Variants in WWP1 observed in about 807,000 individuals in gnomAD.
WWP1 encodes NEDD4-like E3 ubiquitin-protein ligase WWP1.
Under a neutral mutation model 130.6 loss-of-function variants are expected in WWP1, and 49 were observed. The observed-to-expected ratio is 0.38, with a 90% CI of 0.30 to 0.48. WWP1 has a LOEUF of 0.48. Ranked by LOEUF, WWP1 falls within the 20% of genes least tolerant of loss-of-function variation. WWP1 has a pLI of 0.99. For synonymous variants in WWP1, 332 were observed against 367.8 expected (o/e 0.90, Z 1.11); for missense variants, 809 against 1,100.6 (o/e 0.74, Z 3.75).
At chr8:86,352,147 C>T (rs1366349606) in intron 1 of WWP1, among the ~76,000 whole-genome samples, 3 of 149,488 alleles carry the variant, frequency 2.0e-5, no homozygotes, top group African/African-American at 7.4e-5. Flanking sequence ...TGGGCTCAAA[C>T]GATCCTCCCA....
intron 9 of WWP1, among the ~76,000 whole-genome samples, chr8:86,418,932 A>G (rs1809040206): frequency 6.6e-6 from 1 of 152,206 alleles, no homozygotes; most frequent in East Asian, 1.9e-4. Flanking sequence ...CACTGAAAAT[A>G]CTAATATAGA....
chr8:86,411,438 T>C, intron 8 of WWP1, 100 bp from the exon 9 acceptor site: 1 of 955,414 alleles, frequency 1.0e-6, no homozygotes, highest in Non-Finnish European at 1.6e-6. Flanking sequence ...TTGTAGTTGC[T>C]TAGTCTGGAT....
At chr8:86,383,728 C>T (rs1037561743) in intron 5 of WWP1, among the ~76,000 whole-genome samples, 1 of 152,054 alleles carries the variant, frequency 6.6e-6, no homozygotes, top group Non-Finnish European at 1.5e-5. Flanking sequence ...GGCTACAGAG[C>T]GAGACTCCCT....
chr8:86,400,187 C>T (rs1180163390), intron 7 of WWP1, among the ~76,000 whole-genome samples: 1 of 151,912 alleles, frequency 6.6e-6, no homozygotes, highest in Non-Finnish European at 1.5e-5. Flanking sequence ...AAAAAATGAG[C>T]CAGGCATGGT....
In WWP1 at chr8:86,448,146, A is replaced by C; in HGVS notation, c.1999-2A>C. The C allele has an allele frequency of 6.5e-7, 1 of 1,548,624 alleles. No homozygotes were observed. On this transcript the variant is annotated splice_acceptor_variant, in intron 18 of 24. Coordinates refer to ENST00000517970, the MANE Select transcript of WWP1 (RefSeq NM_007013.4). LOFTEE classifies it high-confidence loss of function. ...AATAAAATTTTTCATTTTTCTTTGC[A>C]GGCACTATTTCATGGAAAGTTTATC...
intron 1 of WWP1, among the ~76,000 whole-genome samples, chr8:86,362,564 A>C (rs1823732411): frequency 6.6e-6 from 1 of 151,866 alleles, no homozygotes; most frequent in African/African-American, 2.4e-5. Flanking sequence ...CATCAAAGGA[A>C]TTTTTTTCTC....
intron 7 of WWP1, among the ~76,000 whole-genome samples, chr8:86,401,025 T>TA (rs1351944020): frequency 2.6e-5 from 4 of 151,680 alleles, no homozygotes; most frequent in Admixed American, 6.6e-5. Context: ...TTTTTTTTTT[T>TA]AAACACTGTG....
intron 11 of WWP1, among the ~76,000 whole-genome samples, chr8:86,429,093 C>G (rs543180634): frequency 1.3e-5 from 2 of 152,298 alleles, no homozygotes; most frequent in Admixed American, 1.3e-4. Context: ...CCATCCATAT[C>G]GCACTTCAGG....
chr8:86,353,103 C>T (rs1460586303), intron 1 of WWP1, among the ~76,000 whole-genome samples: 1 of 152,156 alleles, frequency 6.6e-6, no homozygotes, highest in Non-Finnish European at 1.5e-5. Context: ...TGGTTGGGGG[C>T]ATGATGTGTC....
chr8:86,387,633 C>T (rs1825362106), intron 5 of WWP1, among the ~76,000 whole-genome samples: 1 of 152,052 alleles, frequency 6.6e-6, no homozygotes, highest in Non-Finnish European at 1.5e-5. Context: ...CCACCTCAGC[C>T]TCCTGAGTAA....
At chr8:86,368,785 C>A (rs974541500) in intron 1 of WWP1, among the ~76,000 whole-genome samples, 154 bp from the exon 2 acceptor site, 3 of 152,164 alleles carry the variant, frequency 2.0e-5, no homozygotes, top group Non-Finnish European at 2.9e-5. Flanking sequence ...CACTTCAAGA[C>A]GCAGTTCTCT....
At chr8:86,345,806 C>T (rs1021755979) in intron 1 of WWP1, among the ~76,000 whole-genome samples, 25 of 152,134 alleles carry the variant, frequency 1.6e-4, no homozygotes, top group Admixed American at 1.4e-3. Context: ...TACAGAAACA[C>T]AATATTACAT....
intron 5 of WWP1, among the ~76,000 whole-genome samples, chr8:86,383,729 G>A (rs553765453): frequency 6.6e-6 from 1 of 152,146 alleles, no homozygotes; most frequent in African/African-American, 2.4e-5. Flanking sequence ...GCTACAGAGC[G>A]AGACTCCCTC....
At chr8:86,360,679 C>T (rs1586255736) in intron 1 of WWP1, among the ~76,000 whole-genome samples, 1 of 152,312 alleles carries the variant, frequency 6.6e-6, no homozygotes, top group African/African-American at 2.4e-5. Flanking sequence ...CAGACTCTGG[C>T]GTAGGTTCTA....
At chr8:86,442,854 AAG>A in intron 18 of WWP1, 76 bp downstream of exon 18, 3 of 1,321,418 alleles carry the variant, frequency 2.3e-6, no homozygotes, top group East Asian at 2.4e-5. Flanking sequence ...AAAAAAAAAA[AAG>A]GATAAGCATT....
intron 24 of WWP1, among the ~76,000 whole-genome samples, chr8:86,462,882 A>C (rs1244420573): frequency 2.6e-5 from 4 of 151,902 alleles, no homozygotes; most frequent in African/African-American, 9.7e-5. Flanking sequence ...GTTTAAAGAA[A>C]AAAAAAAAAA....
intron 9 of WWP1, among the ~76,000 whole-genome samples, chr8:86,414,672 TTGTAA>T (rs1586396717): frequency 2.0e-5 from 3 of 152,336 alleles, no homozygotes; most frequent in Non-Finnish European, 4.4e-5. Flanking sequence ...ATCCTGTTGA[TTGTAA>T]TGTACAGCCA....
Position 86,457,906 on chromosome 8 carries a change from G to A in WWP1, c.2395-15G>A, listed in dbSNP as rs1811547143. Reference sequence around the variant, plus strand: ...TAAATCTTTATTGTGGCCTGATTCTGTGCTCATTTCCCAGGTTATGTTGTG... The same window carrying A: ...TAAATCTTTATTGTGGCCTGATTCTATGCTCATTTCCCAGGTTATGTTGTG... On this transcript the variant is annotated splice_polypyrimidine_tract_variant and intron_variant, in intron 21 of 24. Transcript: ENST00000517970. 6.2e-7 allele frequency: 1 copy of A among 1,604,444 alleles called. No individual in the cohort carries two copies. The highest frequency in any genetic ancestry group is 1.3e-5 in the African/African-American group (1 of 74,342).
At chr8:86,439,971 T>A (rs527698966) in intron 17 of WWP1, among the ~76,000 whole-genome samples, 110 of 152,326 alleles carry the variant, frequency 7.2e-4, no homozygotes, top group Middle Eastern at 6.8e-3. Flanking sequence ...AGTAATAATA[T>A]ATGTGGAATT....
Sources: allele counts gnomAD v4.1 joint callset (sites outside exome capture counted in the v4.1 genomes callset), GRCh38; gene constraint gnomAD v4.1.1; transcripts MANE v1.5; gene names NCBI Gene and HGNC (gene_info 2026-07-23, HGNC 2026-07-21).